VWF: variants seen among roughly 807,000 people sequenced by gnomAD.
VWF encodes von Willebrand factor.
VWF carries 176 observed loss-of-function variants against 308.6 expected under a neutral mutation model. That is an observed-to-expected ratio of 0.57 (90% CI 0.50 to 0.65). VWF has a LOEUF of 0.65. Ranked by LOEUF, VWF falls within the 30% of genes least tolerant of loss-of-function variation. The probability of loss-of-function intolerance (pLI) is 0.00; values close to 1 mark genes in which losing one functional copy is unlikely to be tolerated. For synonymous variants in VWF, 1,385 were observed against 1,443.4 expected (o/e 0.96, Z 0.92); for missense variants, 3,146 against 3,648.2 (o/e 0.86, Z 3.55).
rs61109281 is a variant in VWF, at chr12:6,017,090, C to T, written c.5054-220G>A. Among the ~76,000 whole-genome samples, 978 of 152,302 alleles carry T rather than the reference C, an allele frequency of 6.4e-3. 11 individuals are homozygous for T. The highest frequency in any genetic ancestry group is 0.022 in the African/African-American group (911 of 41,556). ...GTCCGGACTACCTCAGATTTAGAGACACTGAGAAGACTCCAATTCTACCCA... is the reference window on the plus strand; with the variant it reads ...GTCCGGACTACCTCAGATTTAGAGATACTGAGAAGACTCCAATTCTACCCA... On this transcript the variant is annotated intron_variant, in intron 28 of 51. Transcript: ENST00000261405.
chr12:6,027,108 T>C (rs1944203017), intron 22 of VWF, among the ~76,000 whole-genome samples: 1 of 152,190 alleles, frequency 6.6e-6, no homozygotes, highest in Admixed American at 6.5e-5. Flanking sequence ...AAGAATGTTC[T>C]CACTGTTGGG....
intron 10 of VWF, among the ~76,000 whole-genome samples, chr12:6,067,357 A>T (rs1009594771): frequency 1.3e-5 from 2 of 152,174 alleles, no homozygotes; most frequent in Middle Eastern, 3.2e-3. Context: ...GAGCACTCTT[A>T]TCTAAGCAAG....
intron 5 of VWF, among the ~76,000 whole-genome samples, chr12:6,100,046 GA>G (rs1229625215): frequency 6.6e-6 from 1 of 151,678 alleles, no homozygotes; most frequent in South Asian, 2.1e-4. Flanking sequence ...AAATTTACAA[GA>G]AAAAAACAAA....
At chr12:6,119,509 G>A (rs896453166) in intron 3 of VWF, among the ~76,000 whole-genome samples, 9 of 152,034 alleles carry the variant, frequency 5.9e-5, no homozygotes, top group African/African-American at 2.2e-4. Context: ...GTCTTCTCTG[G>A]CCAATCAAAG....
Position 5,970,060 on chromosome 12 carries a change from C to T in VWF, c.7549-669G>A, listed in dbSNP as rs531269663. Among the ~76,000 whole-genome samples the T allele has an allele frequency of 1.2e-3, 179 of 152,294 alleles. 1 individual carries two copies. Among genetic ancestry groups the T allele is most frequent in the African/African-American group, 3.4e-3 (141 of 41,550 alleles). On this transcript the variant is annotated intron_variant, in intron 44 of 51. Transcript: ENST00000261405. ...CCTGACCTACTTCTCCTGGTGCCTG[C>T]TTATTTCTTCTCCTTCCAGATGAGG...
At chr12:6,042,337 C>T (rs1944404772) in intron 18 of VWF, among the ~76,000 whole-genome samples, 1 of 152,206 alleles carries the variant, frequency 6.6e-6, no homozygotes, top group Non-Finnish European at 1.5e-5. Context: ...AAGGGACAGA[C>T]TGGACAGAGG....
At chr12:6,103,950 C>G (rs1194731397) in intron 5 of VWF, among the ~76,000 whole-genome samples, 2 of 152,048 alleles carry the variant, frequency 1.3e-5, no homozygotes, top group Non-Finnish European at 2.9e-5. Flanking sequence ...TTCTGCACAG[C>G]AAAAGAAATC....
At chr12:6,116,788 G>A (rs539319143) in intron 3 of VWF, among the ~76,000 whole-genome samples, 44 of 152,344 alleles carry the variant, frequency 2.9e-4, no homozygotes, top group African/African-American at 9.1e-4. Flanking sequence ...GTGGCCCTTC[G>A]TGTGCGTACA....
intron 6 of VWF, among the ~76,000 whole-genome samples, chr12:6,077,616 T>C (rs1162383711): frequency 6.6e-6 from 1 of 152,120 alleles, no homozygotes. Flanking sequence ...GAATGACCTG[T>C]GGAAATGACC....
chr12:5,974,078 T>A (rs1158653285), intron 43 of VWF, among the ~76,000 whole-genome samples: 1 of 152,158 alleles, frequency 6.6e-6, no homozygotes, highest in East Asian at 1.9e-4. Flanking sequence ...GTAGTGTTGT[T>A]CTTTCTTTTC....
In VWF at chr12:5,994,100, C is replaced by T. The variant is rs1349398150; in HGVS notation, c.6360G>A (p.Gly2120=). Residue 2120 remains glycine (G), a synonymous_variant, in exon 37 of 52, where the codon GGG becomes GGA. Coordinates refer to ENST00000261405, the MANE Select transcript of VWF (RefSeq NM_000552.5). ...LVQEWTVQRP[G]QTCQPILEEQ... is the part of the protein sequence containing the mutation. ...CCTCCAGGATGGGCTGGCACGTCTGCCCTGGCCGCTGCACAGTCCATTCCT... is the reference window on the plus strand; with the variant it reads ...CCTCCAGGATGGGCTGGCACGTCTGTCCTGGCCGCTGCACAGTCCATTCCT... The T allele has an allele frequency of 6.2e-7, 1 of 1,614,182 alleles. No individual in the cohort carries two copies. The highest frequency in any genetic ancestry group is 1.7e-5 in the Admixed American group (1 of 60,028).
Position 5,948,889 on chromosome 12 carries a change from A to G in VWF, c.*126T>C. The G allele has an allele frequency of 8.5e-7, 1 of 1,169,878 alleles. No homozygotes were observed. Among genetic ancestry groups the G allele is most frequent in the South Asian group, 1.3e-5 (1 of 75,572 alleles). The allele number at this position is 1,169,878 out of a possible 1,614,324, so 72.5% of individuals were successfully genotyped here. A position where few individuals can be genotyped will look rare whatever the true frequency, so the allele number is the denominator to read the frequency against. On this transcript the variant is annotated 3_prime_UTR_variant, in exon 52 of 52. Coordinates refer to ENST00000261405, the MANE Select transcript of VWF (RefSeq NM_000552.5). This position sits in a 1 kb window ranked among gnomAD's most constrained non-coding sequence, Gnocchi z 4.4. The stretch of plus-strand genomic sequence containing the variant: ...TGCACCAGCAGCCTTTTGCAAGATA[A>G]GAGCTCAGCCTTTATTGTGGGCTCA...
chr12:5,958,043 A>G (rs11063954), intron 47 of VWF, among the ~76,000 whole-genome samples: 19,303 of 152,160 alleles, frequency 0.13, 2,178 homozygotes, highest in African/African-American at 0.3. Flanking sequence ...AGTCTAGAGC[A>G]ACCACTAAAA....
intron 35 of VWF, among the ~76,000 whole-genome samples, chr12:5,994,924 C>A (rs1178147858): frequency 6.6e-6 from 1 of 152,094 alleles, no homozygotes; most frequent in Non-Finnish European, 1.5e-5. Flanking sequence ...GCCTTTAAGA[C>A]AGGCTGGGAA....
intron 48 of VWF, among the ~76,000 whole-genome samples, chr12:5,952,836 C>A (rs117937728): frequency 5.3e-5 from 8 of 152,180 alleles, no homozygotes; most frequent in Non-Finnish European, 1.5e-5. Context: ...TACCTCCCAG[C>A]CCCACCAGCT....
intron 40 of VWF, 133 bp from the exon 41 acceptor site, chr12:5,983,387 G>A (rs1943630970): frequency 5.3e-6 from 3 of 561,530 alleles, no homozygotes; most frequent in East Asian, 4.7e-5. Flanking sequence ...TGGAGACAGA[G>A]ATTACATGGG....
chr12:5,976,020 A>AG, intron 43 of VWF, 91 bp downstream of exon 43: 1 of 1,585,464 alleles, frequency 6.3e-7, no homozygotes, highest in Admixed American at 1.7e-5. Flanking sequence ...CATTTCAAAA[A>AG]AAAAAGAACC....
chr12:6,064,867 G>A (rs759467211), intron 11 of VWF, among the ~76,000 whole-genome samples: 2 of 152,182 alleles, frequency 1.3e-5, no homozygotes, highest in Admixed American at 6.5e-5. Flanking sequence ...CAACAGGCTA[G>A]ACCCAAGCAG....
intron 5 of VWF, among the ~76,000 whole-genome samples, chr12:6,105,921 T>G (rs1226615611): frequency 1.3e-5 from 2 of 151,638 alleles, no homozygotes; most frequent in Admixed American, 1.3e-4. Context: ...CATGCGCCTG[T>G]AGTCCCAGCT....
Sources: allele counts gnomAD v4.1 joint callset (sites outside exome capture counted in the v4.1 genomes callset), GRCh38; gene constraint gnomAD v4.1.1; non-coding constraint Gnocchi (gnomAD v3.1); transcripts MANE v1.5; gene names NCBI Gene and HGNC (gene_info 2026-07-23, HGNC 2026-07-21).